MOCS2: variants seen among roughly 807,000 people sequenced by gnomAD.
MOCS2 encodes the protein molybdenum cofactor synthesis 2.
In MOCS2, 13 loss-of-function variants were observed where a neutral mutation model predicts 21.9. The observed-to-expected ratio is 0.59, with a 90% CI of 0.39 to 0.94. The LOEUF is 0.94. Among genes scored for constraint, MOCS2 ranks in the 40% least tolerant of loss-of-function variants. The pLI is 0.00. For synonymous variants in MOCS2, 92 were observed against 80.8 expected (o/e 1.14, Z -0.74); for missense variants, 227 against 218.3 (o/e 1.04, Z -0.25).
At chr5:53,100,375 G>T in intron 6 of MOCS2, 36 bp downstream of exon 6, 2 of 1,612,544 alleles carry the variant, frequency 1.2e-6, no homozygotes, top group Non-Finnish European at 1.7e-6. Flanking sequence ...GAAAAATCAG[G>T]TCCACATGCT....
At chr5:53,104,648 A>G (rs1330988876) in intron 3 of MOCS2, among the ~76,000 whole-genome samples, 1 of 152,174 alleles carries the variant, frequency 6.6e-6, no homozygotes, top group Non-Finnish European at 1.5e-5. Flanking sequence ...TAGTGTTGAC[A>G]TGAGAGGCAA....
In MOCS2 at chr5:53,102,373, A is replaced by T. The variant is rs1740938044; in HGVS notation, c.99-149T>A. On this transcript the variant is annotated intron_variant, in intron 3 of 6. Coordinates refer to ENST00000396954, the MANE Select transcript of MOCS2 (RefSeq NM_004531.5). Reference sequence around the variant, plus strand: ...CACAAAATATAGTTTACATGAGTCAAATCAAGGACAGTGGCCCAGGATGCT... The same window carrying T: ...CACAAAATATAGTTTACATGAGTCATATCAAGGACAGTGGCCCAGGATGCT... 7 of 784,704 alleles carry T rather than the reference A, an allele frequency of 8.9e-6. No homozygotes were observed. The Admixed American group carries it at 1.8e-4, about 20-fold the overall frequency. The allele number at this position is 784,704 out of a possible 1,614,324, so 48.6% of individuals were successfully genotyped here. A position where few individuals can be genotyped will look rare whatever the true frequency, so the allele number is the denominator to read the frequency against.
At chr5:53,101,978 C>T (rs888667816) in intron 4 of MOCS2, 119 bp downstream of exon 4, 20 of 1,041,524 alleles carry the variant, frequency 1.9e-5, no homozygotes, top group Middle Eastern at 2.0e-4. Context: ...CCACCATCAT[C>T]GGTAATCTTG....
In MOCS2 at chr5:53,109,524, T is replaced by G. The variant is rs551654721; in HGVS notation, c.-443A>C. The G allele has an allele frequency of 1.6e-6, 2 of 1,252,616 alleles. No individual in the cohort carries two copies. The highest frequency in any genetic ancestry group is 2.8e-5 in the East Asian group (1 of 35,634). The allele number at this position is 1,252,616 out of a possible 1,614,324, so 77.6% of individuals were successfully genotyped here. ...CCGACTTCTGCTGGGGCAGTCGCAGTAAAGCCCGGAGACAGGAAGGGCCCG... is the reference window on the plus strand; with the variant it reads ...CCGACTTCTGCTGGGGCAGTCGCAGGAAAGCCCGGAGACAGGAAGGGCCCG... On this transcript the variant is annotated 5_prime_UTR_variant, in exon 1 of 7. Coordinates refer to ENST00000396954, the MANE Select transcript of MOCS2 (RefSeq NM_004531.5).
intron 6 of MOCS2, among the ~76,000 whole-genome samples, chr5:53,099,630 C>CT (rs1740852155): frequency 6.6e-6 from 1 of 152,182 alleles, no homozygotes; most frequent in Non-Finnish European, 1.5e-5. Context: ...GTCCAACTTG[C>CT]TTATTTCTAC....
At chr5:53,101,325 C>T (rs758095025) in intron 5 of MOCS2, 34 bp downstream of exon 5, 1 of 1,600,768 alleles carries the variant, frequency 6.2e-7, no homozygotes, top group South Asian at 1.1e-5. Flanking sequence ...AAAACAATTA[C>T]ACTTAACTTT....
chr5:53,102,668 A>AG (rs1296691889), intron 3 of MOCS2, among the ~76,000 whole-genome samples: 1 of 147,040 alleles, frequency 6.8e-6, no homozygotes, highest in Non-Finnish European at 1.5e-5. Flanking sequence ...AGTGGCTTCA[A>AG]GGGACCAGTG....
At chr5:53,108,431 G>T in intron 2 of MOCS2, 91 bp downstream of exon 2, 1 of 1,290,946 alleles carries the variant, frequency 7.7e-7, no homozygotes, top group South Asian at 1.4e-5. Flanking sequence ...ATTAAGCACG[G>T]AAATCGAAAT....
In MOCS2 at chr5:53,098,571, T is replaced by G; in HGVS notation, c.*31A>C. On this transcript the variant is annotated 3_prime_UTR_variant, in exon 7 of 7. Coordinates refer to ENST00000396954, the MANE Select transcript of MOCS2 (RefSeq NM_004531.5). ...GATCAATAATAATAGTTTAACAAAGTTAAGATTGCATGCTCTAAAAACATA... is the reference window on the plus strand; with the variant it reads ...GATCAATAATAATAGTTTAACAAAGGTAAGATTGCATGCTCTAAAAACATA... 3 of 1,586,564 alleles carry G rather than the reference T, an allele frequency of 1.9e-6. No individual in the cohort carries two copies. Among genetic ancestry groups the G allele is most frequent in the Non-Finnish European group, 2.6e-6 (3 of 1,155,184 alleles).
intron 6 of MOCS2, among the ~76,000 whole-genome samples, 193 bp downstream of exon 6, chr5:53,100,218 C>T (rs1162831454): frequency 6.6e-6 from 1 of 152,156 alleles, no homozygotes; most frequent in Non-Finnish European, 1.5e-5. Context: ...CTCATTGAGG[C>T]TTACTGTGTG....
At chr5:53,102,846 G>A (rs1447975041) in intron 3 of MOCS2, among the ~76,000 whole-genome samples, 3 of 151,930 alleles carry the variant, frequency 2.0e-5, no homozygotes, top group African/African-American at 7.3e-5. Context: ...TACTTGGGAG[G>A]CTGAGGCAGG....
At chr5:53,100,185 A>G (rs564453305) in intron 6 of MOCS2, among the ~76,000 whole-genome samples, 1 of 152,304 alleles carries the variant, frequency 6.6e-6, no homozygotes, top group African/African-American at 2.4e-5. Flanking sequence ...AACAGTCCAG[A>G]CTAGGAATTC....
At chr5:53,101,807 G>T (rs1360250672) in intron 4 of MOCS2, among the ~76,000 whole-genome samples, 1 of 152,154 alleles carries the variant, frequency 6.6e-6, no homozygotes, top group Admixed American at 6.5e-5. Context: ...AAATATTTAT[G>T]TTCCCAGGAC....
In MOCS2 at chr5:53,102,110, T is replaced by C; in HGVS notation, c.213A>G (p.Ile71Met). Residue 71 changes from isoleucine (I) to methionine (M), a missense_variant, in exon 4 of 7, where the codon ATA (isoleucine) becomes ATG (methionine). Physicochemically the swap from Ile to Met is conservative, Grantham distance 10. Coordinates refer to ENST00000396954, the MANE Select transcript of MOCS2 (RefSeq NM_004531.5). The part of the protein sequence containing the change: ...QLVISPLCGA[I>M]SLFVGTTRNN... ...ATTACAACTCACCTACAAATAGGGATATTGCACCACAGAGCGGAGAAATCA... is the reference window on the plus strand; with the variant it reads ...ATTACAACTCACCTACAAATAGGGACATTGCACCACAGAGCGGAGAAATCA... 1 of 1,613,812 alleles carries C rather than the reference T, an allele frequency of 6.2e-7. No homozygotes were observed. Among genetic ancestry groups the C allele is most frequent in the Non-Finnish European group, 8.5e-7 (1 of 1,179,810 alleles).
chr5:53,102,228 G>C lies in MOCS2; in HGVS notation c.99-4C>G. On this transcript the variant is annotated splice_region_variant and splice_polypyrimidine_tract_variant and intron_variant, in intron 3 of 6. Transcript: ENST00000396954. ...TTCAACTTCATCCATATCTTTCCTA[G>C]AAATAATACATTAACAAACCTTAAC... is the stretch of plus-strand genomic sequence containing the variant. The C allele has an allele frequency of 2.5e-6, 4 of 1,610,704 alleles. No homozygotes were observed. Among genetic ancestry groups the C allele is most frequent in the Non-Finnish European group, 3.4e-6 (4 of 1,177,544 alleles).
intron 2 of MOCS2, 92 bp from the exon 3 acceptor site, chr5:53,107,313 T>TA: frequency 1.6e-6 from 2 of 1,220,390 alleles, no homozygotes; most frequent in Non-Finnish European, 2.3e-6. Context: ...TAGATATAAT[T>TA]ATATAAAGCA....
rs1293563575 is a variant in MOCS2 at position 53,096,364 on chromosome 5, T to A, written c.*2238A>T. The stretch of plus-strand genomic sequence containing the variant: ...TAAAAATCAATTTCATTTTACCACC[T>A]GTTCAAAAATACTTGAAACATAAAT... On this transcript the variant is annotated 3_prime_UTR_variant, in exon 7 of 7. Coordinates refer to ENST00000396954, the MANE Select transcript of MOCS2 (RefSeq NM_004531.5). 6.6e-6 allele frequency: 1 copy of A among 152,250 alleles called. No individual in the cohort carries two copies. Among genetic ancestry groups the A allele is most frequent in the Non-Finnish European group, 1.5e-5 (1 of 68,040 alleles). The allele number at this position is 152,250 out of a possible 1,614,324, so 9.4% of individuals were successfully genotyped here.
At position 53,102,106 on chromosome 5, in the gene MOCS2, G is replaced by C; in HGVS notation, c.217C>G (p.Leu73Val). Residue 73 changes from leucine (L) to valine (V), a missense_variant, in exon 4 of 7, where the codon CTA becomes GTA. By Grantham distance (32) the Leu-to-Val change is conservative. Coordinates refer to ENST00000396954, the MANE Select transcript of MOCS2 (RefSeq NM_004531.5). ...GAAAATTACAACTCACCTACAAATA[G>C]GGATATTGCACCACAGAGCGGAGAA... is the stretch of plus-strand genomic sequence containing the variant. The part of the protein sequence containing the change: ...VISPLCGAIS[L>V]FVGTTRNNFE... 1 of 1,613,616 alleles carries C rather than the reference G, an allele frequency of 6.2e-7. No homozygotes were observed. Among genetic ancestry groups the C allele is most frequent in the Non-Finnish European group, 8.5e-7 (1 of 1,179,748 alleles).
At position 53,109,597 on chromosome 5, in the gene MOCS2, G is replaced by C. The variant is rs1741153247; in HGVS notation, c.-516C>G. ...CGAACCCAAGACGCCGGCCAGGTTG[G>C]GGGCTAGTGGGGAGGTCCGACTGAC... On this transcript the variant is annotated 5_prime_UTR_variant, in exon 1 of 7. Transcript: ENST00000396954. The C allele has an allele frequency of 6.7e-7, 1 of 1,483,906 alleles. No homozygotes were observed. Among genetic ancestry groups the C allele is most frequent in the African/African-American group, 1.4e-5 (1 of 70,324 alleles). The allele number at this position is 1,483,906 out of a possible 1,614,324, so 91.9% of individuals were successfully genotyped here. A position where few individuals can be genotyped will look rare whatever the true frequency, so the allele number is the denominator to read the frequency against.
Sources: allele counts gnomAD v4.1 joint callset (sites outside exome capture counted in the v4.1 genomes callset), GRCh38; gene constraint gnomAD v4.1.1; transcripts MANE v1.5; gene names NCBI Gene and HGNC (gene_info 2026-07-23, HGNC 2026-07-21).